Variants in ADK observed in about 807,000 individuals in gnomAD.
ADK encodes the protein N6,N6-dimethyladenosine kinase.
In ADK, 24 loss-of-function variants were observed where a neutral mutation model predicts 44.7. The observed-to-expected ratio is 0.54, with a 90% CI of 0.39 to 0.76. ADK has a LOEUF of 0.76. ADK is among the 30% of genes least tolerant of loss of function. ADK has a pLI of 0.00. For missense variants in ADK, 321 were observed against 425.1 expected (o/e 0.76, Z 2.15); for synonymous variants, 128 against 142.6 (o/e 0.90, Z 0.73).
chr10:74,504,348 C>A lies in ADK; in HGVS notation c.556-20908C>A, dbSNP rs569156956. Among the ~76,000 whole-genome samples, 630 of 151,892 alleles carry A rather than the reference C, an allele frequency of 4.1e-3. 3 individuals carry two copies. Among genetic ancestry groups the A allele is most frequent in the Middle Eastern group, 6.8e-3 (2 of 294 alleles). ...GCAGTATTCCATAAGCATACATATT[C>A]ATTTAGTAAATACAGTTAACCCTTG... On this transcript the variant is annotated intron_variant, in intron 6 of 10. Transcript: ENST00000539909.
intron 1 of ADK, among the ~76,000 whole-genome samples, chr10:74,173,605 A>G (rs756809799): frequency 6.6e-6 from 1 of 150,590 alleles, no homozygotes; most frequent in Non-Finnish European, 1.5e-5. Flanking sequence ...TAATTCTTGT[A>G]TTTTTAGTAA....
chr10:74,398,132 G>T (rs1300959675), intron 5 of ADK, among the ~76,000 whole-genome samples: 1 of 151,946 alleles, frequency 6.6e-6, no homozygotes, highest in Non-Finnish European at 1.5e-5. Context: ...TAGTTGCATA[G>T]ATTTCTTTTT....
intron 7 of ADK, among the ~76,000 whole-genome samples, chr10:74,557,854 T>C (rs563143708): frequency 4.5e-4 from 68 of 152,232 alleles, no homozygotes; most frequent in Middle Eastern, 3.4e-3. Flanking sequence ...CATCAATGGA[T>C]TAGGAGATTC....
chr10:74,156,751 C>T (rs575732060), intron 1 of ADK, among the ~76,000 whole-genome samples: 3 of 152,144 alleles, frequency 2.0e-5, no homozygotes, highest in East Asian at 1.9e-4. Context: ...CTAGTGATCT[C>T]GGGAAGATTG....
intron 9 of ADK, chr10:74,661,202 C>T (rs979880023): frequency 2.1e-6 from 1 of 483,912 alleles, no homozygotes; most frequent in African/African-American, 2.1e-5. Flanking sequence ...GTTATCAGTA[C>T]CAGGCTTAAG....
chr10:74,303,283 T>A (rs1384470919), intron 3 of ADK, among the ~76,000 whole-genome samples: 1 of 152,230 alleles, frequency 6.6e-6, no homozygotes, highest in Non-Finnish European at 1.5e-5. Flanking sequence ...TCTATATTTT[T>A]AAAGTTTCCT....
chr10:74,658,521 T>C (rs1325628701), intron 9 of ADK, among the ~76,000 whole-genome samples: 4 of 152,024 alleles, frequency 2.6e-5, no homozygotes, highest in Non-Finnish European at 5.9e-5. Flanking sequence ...AGCCCCAACC[T>C]CCTGGGCTCA....
intron 4 of ADK, among the ~76,000 whole-genome samples, chr10:74,382,887 A>G (rs1018692843): frequency 3.3e-5 from 5 of 152,026 alleles, no homozygotes; most frequent in Non-Finnish European, 7.4e-5. Flanking sequence ...ACCTAATGAA[A>G]TCTGTGAATC....
At chr10:74,472,438 A>C (rs1213519931) in intron 6 of ADK, among the ~76,000 whole-genome samples, 1 of 151,776 alleles carries the variant, frequency 6.6e-6, no homozygotes, top group South Asian at 2.1e-4. Flanking sequence ...GTCTGATAAG[A>C]TTCTTCTTTC....
intron 6 of ADK, among the ~76,000 whole-genome samples, chr10:74,455,222 G>A (rs138243148): frequency 4.6e-5 from 7 of 152,108 alleles, no homozygotes; most frequent in East Asian, 3.9e-4. Flanking sequence ...AGATATTTTC[G>A]ACCTTCCATG....
intron 7 of ADK, chr10:74,527,512 G>A: frequency 9.6e-6 from 6 of 623,000 alleles, no homozygotes; most frequent in Non-Finnish European, 1.7e-5. Flanking sequence ...AATGTGGAGG[G>A]ACCTTTTGAA....
intron 3 of ADK, among the ~76,000 whole-genome samples, chr10:74,290,078 G>GCGCA (rs113592873): frequency 0.089 from 13,295 of 148,842 alleles, 605 homozygotes; most frequent in Middle Eastern, 0.11. Context: ...CTACTCACGC[G>GCGCA]CACACACACA....
chr10:74,220,673 T>C (rs1021624954), intron 2 of ADK, among the ~76,000 whole-genome samples: 6 of 152,214 alleles, frequency 3.9e-5, no homozygotes, highest in Non-Finnish European at 7.3e-5. Flanking sequence ...TTATCCACCA[T>C]GATCAAGTGG....
intron 2 of ADK, among the ~76,000 whole-genome samples, chr10:74,201,933 T>G (rs1843410957): frequency 6.6e-6 from 1 of 152,044 alleles, no homozygotes; most frequent in South Asian, 2.1e-4. Flanking sequence ...GAGGCAAAAT[T>G]TATATCGCAT....
At chr10:74,364,319 G>A (rs1592104466) in intron 4 of ADK, among the ~76,000 whole-genome samples, 1 of 152,028 alleles carries the variant, frequency 6.6e-6, no homozygotes, top group African/African-American at 2.4e-5. Context: ...TCCAACATTC[G>A]CCTTATCTAT....
At chr10:74,433,068 A>C (rs1845054507) in intron 6 of ADK, among the ~76,000 whole-genome samples, 1 of 152,278 alleles carries the variant, frequency 6.6e-6, no homozygotes, top group East Asian at 1.9e-4. Flanking sequence ...CTATGCATGC[A>C]CACACTGCCC....
intron 9 of ADK, among the ~76,000 whole-genome samples, chr10:74,669,356 A>G (rs1310804347): frequency 6.6e-6 from 1 of 152,204 alleles, no homozygotes; most frequent in Non-Finnish European, 1.5e-5. Flanking sequence ...GCCCCCAATA[A>G]GAAGCACTGT....
At chr10:74,214,993 T>A (rs1163480100) in intron 2 of ADK, among the ~76,000 whole-genome samples, 1 of 152,188 alleles carries the variant, frequency 6.6e-6, no homozygotes, top group Admixed American at 6.5e-5. Flanking sequence ...TTTTTTGATT[T>A]GTATCTAGTG....
Position 74,302,099 on chromosome 10 carries a change from TTGTTTG to T in ADK, c.195-12566_195-12561del, listed in dbSNP as rs1273982403. Among the ~76,000 whole-genome samples the T allele has an allele frequency of 2.6e-3, 55 of 21,492 alleles. 1 individual carries two copies. Among genetic ancestry groups the T allele is most frequent in the African/African-American group, 9.6e-3 (38 of 3,966 alleles). 14.1% of individuals were successfully genotyped at this position (21,492 alleles called of 152,430 possible). On this transcript the variant is annotated intron_variant, in intron 3 of 10. Coordinates refer to ENST00000539909, the MANE Select transcript of ADK (RefSeq NM_006721.4). ...CTTTCTTTTCTTTTCTGTTTTTTTT[TTGTTTG>T]TTTGTTTTTTTTTTTTTTTTTTTTT...
Sources: gnomAD v4.1 joint callset for allele counts (sites outside exome capture counted in the v4.1 genomes callset) on GRCh38, gnomAD v4.1.1 for gene constraint, MANE v1.5 for transcripts, NCBI Gene and HGNC (gene_info 2026-07-23, HGNC 2026-07-21) for gene names.